PCID2: variants seen among roughly 807,000 people sequenced by gnomAD.
PCID2 encodes PCI domain containing 2.
Under a neutral mutation model 61.3 loss-of-function variants are expected in PCID2, and 41 were observed. The ratio of observed to expected loss-of-function variants is 0.67; its 90% CI spans 0.52 to 0.87. PCID2 has a LOEUF of 0.87. Among genes scored for constraint, PCID2 ranks in the 40% least tolerant of loss-of-function variants. PCID2 has a pLI of 0.00. For missense variants in PCID2, 392 were observed against 493.4 expected, an observed-to-expected ratio of 0.79 and a Z score of 1.95; for synonymous variants, 187 against 177.8, an observed-to-expected ratio of 1.05 and a Z score of -0.41.
At chr13:113,186,420 C>T (rs956272741) in intron 7 of PCID2, 1 of 152,216 alleles carries the variant, frequency 6.6e-6, no homozygotes, top group African/African-American at 2.4e-5. Context: ...TCACATGTTA[C>T]ACAACATTTC....
At chr13:113,175,531 C>T (rs1209903929), downstream of PCID2, among the ~76,000 whole-genome samples, 1 of 152,098 alleles carries the variant, frequency 6.6e-6, no homozygotes, top group Non-Finnish European at 1.5e-5. Context: ...ATTTCCGTAC[C>T]CAACACTGCA....
downstream of PCID2, among the ~76,000 whole-genome samples, chr13:113,174,685 T>C (rs572681302): frequency 1.2e-4 from 19 of 152,298 alleles, no homozygotes; most frequent in African/African-American, 4.6e-4. Flanking sequence ...GATTTTGCCA[T>C]ATTGCCCAGG....
At chr13:113,201,456 T>C (rs2039422228) in intron 1 of PCID2, among the ~76,000 whole-genome samples, 2 of 152,130 alleles carry the variant, frequency 1.3e-5, no homozygotes, top group African/African-American at 4.8e-5. Context: ...TTTTGCCCTA[T>C]CTAGCGCCTG....
In PCID2 at chr13:113,208,620, G is replaced by C; in HGVS notation, c.15C>G (p.Thr5=). Residue 5 remains threonine (T), a synonymous_variant, in exon 1 of 14, where the codon ACC becomes ACG. Transcript: ENST00000337344. ...CCACCTGCTGCAGGTACTGGTTAATGGTAATGTGCGCCATGGGAGCGCCGC... is the reference window on the plus strand; with the variant it reads ...CCACCTGCTGCAGGTACTGGTTAATCGTAATGTGCGCCATGGGAGCGCCGC... MAHI[T]INQYLQQVYE... The C allele has an allele frequency of 6.2e-7, 1 of 1,608,044 alleles. No individual in the cohort carries two copies. Among genetic ancestry groups the C allele is most frequent in the East Asian group, 2.2e-5 (1 of 44,468 alleles).
At position 113,180,168 on chromosome 13, in the gene PCID2, T is replaced by C; in HGVS notation, c.850A>G (p.Arg284Gly). The C allele has an allele frequency of 6.2e-7, 1 of 1,613,882 alleles. No homozygotes were observed. The highest frequency in any genetic ancestry group is 8.5e-7 in the Non-Finnish European group (1 of 1,179,786). ...YHLMQFAEVT[R>G]AVSEGNLLLL... The stretch of plus-strand genomic sequence containing the variant: ...GATGGCATACTCTACCTCACAGCTC[T>C]GGTTACTTCCGCAAACTGCATCAGG... Residue 284 changes from arginine (R) to glycine (G), a missense_variant, in exon 11 of 14, where the codon AGA becomes GGA. By Grantham distance (125) the Arg-to-Gly change is moderately radical. Coordinates refer to ENST00000337344, the MANE Select transcript of PCID2 (RefSeq NM_001127202.4).
At chr13:113,196,246 CATACA>C (rs1566971085) in intron 4 of PCID2, 24 bp from the exon 5 acceptor site, 10 of 1,554,288 alleles carry the variant, frequency 6.4e-6, no homozygotes, top group Non-Finnish European at 8.8e-6. Flanking sequence ...GAAGATATGG[CATACA>C]AAGTTCAAAT....
intron 11 of PCID2, 22 bp downstream of exon 11, chr13:113,180,136 C>G: frequency 6.2e-7 from 1 of 1,613,714 alleles, no homozygotes. Context: ...AAACCCCAAA[C>G]AGGAAGGATG....
the PCID2 span, among the ~76,000 whole-genome samples, chr13:113,168,540 C>G: frequency 5.9e-5 from 9 of 152,376 alleles, no homozygotes; most frequent in African/African-American, 1.9e-4. Context: ...CTGTTCCTCA[C>G]ATGTCCTTAC....
chr13:113,189,154 T>G (rs2038382860), intron 7 of PCID2, among the ~76,000 whole-genome samples: 3 of 152,072 alleles, frequency 2.0e-5, no homozygotes, highest in Admixed American at 2.0e-4. Context: ...GCGCCTCCCC[T>G]TCTATCTCCT....
intron 1 of PCID2, 85 bp downstream of exon 1, chr13:113,208,514 G>A: frequency 2.6e-6 from 4 of 1,557,784 alleles, no homozygotes. Flanking sequence ...GAAAGGAAAA[G>A]GCCTGAGGGT....
rs115560465 is a variant in PCID2, at chr13:113,185,779, C to A, written c.468-219G>T. ...GGGTAAAAATAAAAGAGAAAACAAA[C>A]CAGGAAAATCCCAATTAACTACTTG... On this transcript the variant is annotated intron_variant, in intron 7 of 13. Coordinates refer to ENST00000337344, the MANE Select transcript of PCID2 (RefSeq NM_001127202.4). 3.4e-3 allele frequency: 1,440 copies of A among 426,226 alleles called. 22 individuals carry two copies. The highest frequency in any genetic ancestry group is 0.025 in the African/African-American group (1,277 of 50,232). The allele number at this position is 426,226 out of a possible 1,614,324, so 26.4% of individuals were successfully genotyped here. A position where few individuals can be genotyped will look rare whatever the true frequency, so the allele number is the denominator to read the frequency against.
intron 1 of PCID2, chr13:113,208,183 G>C (rs574263584): frequency 8.3e-6 from 13 of 1,575,156 alleles, no homozygotes; most frequent in Middle Eastern, 2.1e-4. Context: ...TCGCCTCCTG[G>C]AGTCCCCGAA....
At chr13:113,174,304 C>T (rs1379880841), downstream of PCID2, among the ~76,000 whole-genome samples, 4 of 151,918 alleles carry the variant, frequency 2.6e-5, no homozygotes, top group African/African-American at 7.3e-5. Flanking sequence ...ACCCTCCCTC[C>T]GTAATGGTGA....
chr13:113,208,507 A>T, intron 1 of PCID2, 92 bp downstream of exon 1: 2 of 1,552,064 alleles, frequency 1.3e-6, no homozygotes, highest in Non-Finnish European at 8.7e-7. Context: ...GAGGCGGGAA[A>T]GGAAAAGGCC....
intron 1 of PCID2, among the ~76,000 whole-genome samples, chr13:113,207,023 T>C (rs1202061732): frequency 6.6e-6 from 1 of 152,236 alleles, no homozygotes; most frequent in Non-Finnish European, 1.5e-5. Context: ...TCACTTTAAC[T>C]GACTTGAATT....
At chr13:113,207,032 T>C (rs2039914959) in intron 1 of PCID2, among the ~76,000 whole-genome samples, 1 of 152,198 alleles carries the variant, frequency 6.6e-6, no homozygotes, top group Non-Finnish European at 1.5e-5. Flanking sequence ...CTGACTTGAA[T>C]TGGAAAAATG....
chr13:113,170,840 C>T, the PCID2 span, among the ~76,000 whole-genome samples: 2 of 151,920 alleles, frequency 1.3e-5, no homozygotes, highest in Non-Finnish European at 2.9e-5. Flanking sequence ...GGCTAAAAAT[C>T]GGAAGAATGG....
chr13:113,196,381 ACATTACAAATATCTGTATCT>A (rs2039018367), intron 4 of PCID2, among the ~76,000 whole-genome samples, 159 bp from the exon 5 acceptor site: 1 of 152,264 alleles, frequency 6.6e-6, no homozygotes, highest in Non-Finnish European at 1.5e-5. Flanking sequence ...GTATAAGCTC[ACATTACAAATATCTGTATCT>A]CATTAGGCTC....
At chr13:113,207,778 C>T (rs941591779) in intron 1 of PCID2, among the ~76,000 whole-genome samples, 1 of 152,210 alleles carries the variant, frequency 6.6e-6, no homozygotes. Context: ...CAAATCCACT[C>T]TATTCATCTT....
Sources: allele counts gnomAD v4.1 joint callset (sites outside exome capture counted in the v4.1 genomes callset), GRCh38; gene constraint gnomAD v4.1.1; transcripts MANE v1.5; gene names NCBI Gene and HGNC (gene_info 2026-07-23, HGNC 2026-07-21).